The following RPA3 variants were observed in gnomAD, a reference collection of about 807,000 sequenced individuals.
The protein encoded by RPA3 is replication protein A3.
In RPA3, 24 loss-of-function variants were observed where a neutral mutation model predicts 13.7. The observed-to-expected ratio is 1.75, with a 90% CI of 1.27 to 2.46. RPA3 has a LOEUF of 2.46. Ranked by LOEUF, RPA3 falls within the 30% of genes most tolerant of loss-of-function variation. RPA3 has a pLI of 0.00. For synonymous variants in RPA3, 59 were observed against 51.2 expected (o/e 1.15, Z -0.65); for missense variants, 183 against 151.0 (o/e 1.21, Z -1.11).
intron 4 of RPA3, among the ~76,000 whole-genome samples, chr7:7,664,675 G>A (rs145398908): frequency 0.01 from 1,547 of 152,168 alleles, 9 homozygotes; most frequent in Middle Eastern, 0.031. Context: ...TAAACTCAAG[G>A]CTACCTAGTC....
At chr7:7,714,740 G>T (rs1780850556) in intron 2 of RPA3, among the ~76,000 whole-genome samples, 1 of 152,074 alleles carries the variant, frequency 6.6e-6, no homozygotes, top group Admixed American at 6.5e-5. Flanking sequence ...CCTGGGGGAA[G>T]GTTAAAGCAA....
Position 7,675,693 on chromosome 7 carries a change from G to A in RPA3, c.-758+10137C>T, listed in dbSNP as rs74549235. Among the ~76,000 whole-genome samples the A allele has an allele frequency of 5.1e-3, 779 of 152,232 alleles. 6 individuals carry two copies. The highest frequency in any genetic ancestry group is 0.018 in the African/African-American group (746 of 41,532). On this transcript the variant is annotated intron_variant, in intron 4 of 7. Coordinates refer to ENST00000223129, the MANE Select transcript of RPA3 (RefSeq NM_002947.5). ...AGGGAATTTTCCCAGGACCATCTTGGACTAGCATAATTGGTGTCGTACCCA... is the reference window on the plus strand; with the variant it reads ...AGGGAATTTTCCCAGGACCATCTTGAACTAGCATAATTGGTGTCGTACCCA...
intron 4 of RPA3, among the ~76,000 whole-genome samples, chr7:7,669,054 A>G (rs1779539619): frequency 2.0e-5 from 3 of 151,186 alleles, no homozygotes; most frequent in Middle Eastern, 6.8e-3. Context: ...CTCTACACAT[A>G]TATAGACAGT....
Position 7,704,766 on chromosome 7 carries a change from C to CAAAAAA in RPA3, c.-1028+10403_-1028+10408dup, listed in dbSNP as rs71011001. ...TGGGTGACAGAGCGAGACTCCATCT[C>CAAAAAA]AAAAAAAAAAAAAAAAAAAAAAAAA... On this transcript the variant is annotated intron_variant, in intron 2 of 7. Transcript: ENST00000223129. 1.9e-3 allele frequency among the ~76,000 whole-genome samples: 34 copies of CAAAAAA among 17,850 alleles called. 6 individuals carry two copies. Among genetic ancestry groups the CAAAAAA allele is most frequent in the East Asian group, 0.011 (4 of 354 alleles). 11.7% of individuals were successfully genotyped at this position (17,850 alleles called of 152,430 possible).
chr7:7,682,092 T>C (rs1779927167), intron 4 of RPA3, among the ~76,000 whole-genome samples: 1 of 152,130 alleles, frequency 6.6e-6, no homozygotes, highest in African/African-American at 2.4e-5. Context: ...TTGTAGAGAT[T>C]AAAGGAATTG....
chr7:7,707,278 T>A (rs1252403555), intron 2 of RPA3, among the ~76,000 whole-genome samples: 1 of 152,196 alleles, frequency 6.6e-6, no homozygotes, highest in Non-Finnish European at 1.5e-5. Flanking sequence ...GAATGAATGT[T>A]ATCACCAAGT....
intron 4 of RPA3, among the ~76,000 whole-genome samples, chr7:7,656,739 C>G (rs1785352958): frequency 6.6e-6 from 1 of 152,044 alleles, no homozygotes; most frequent in Admixed American, 6.6e-5. Flanking sequence ...GGTTTGGTTC[C>G]AAGTCTGCTG....
intron 4 of RPA3, among the ~76,000 whole-genome samples, chr7:7,669,752 C>T (rs1277576889): frequency 2.0e-5 from 3 of 152,132 alleles, no homozygotes; most frequent in Non-Finnish European, 4.4e-5. Context: ...GTGATAGACA[C>T]GAGGGTGACT....
chr7:7,701,666 A>T (rs1356143612), intron 2 of RPA3, among the ~76,000 whole-genome samples: 1 of 152,110 alleles, frequency 6.6e-6, no homozygotes. Flanking sequence ...TATGATTAGG[A>T]GGCTGATTAG....
chr7:7,678,320 C>T (rs891867495), intron 4 of RPA3, among the ~76,000 whole-genome samples: 1 of 150,474 alleles, frequency 6.6e-6, no homozygotes, highest in Non-Finnish European at 1.5e-5. Flanking sequence ...TTTTGATTTG[C>T]ATTTCTCTGA....
intron 4 of RPA3, among the ~76,000 whole-genome samples, chr7:7,669,238 G>A (rs532497571): frequency 1.3e-5 from 2 of 152,268 alleles, no homozygotes; most frequent in South Asian, 4.1e-4. Context: ...TGGATAAGGA[G>A]GAAACGATTG....
intron 1 of RPA3, among the ~76,000 whole-genome samples, chr7:7,717,060 CT>C (rs766644906): frequency 1.2e-3 from 169 of 141,558 alleles, no homozygotes; most frequent in South Asian, 2.0e-3. Context: ...TTCTTTTTTT[CT>C]TTTTTTTTTT....
At chr7:7,653,948 A>C (rs767662459) in intron 4 of RPA3, among the ~76,000 whole-genome samples, 10 of 152,198 alleles carry the variant, frequency 6.6e-5, no homozygotes, top group Non-Finnish European at 1.5e-4. Flanking sequence ...CTTAGAGTGG[A>C]GAGATTGAGA....
chr7:7,678,396 C>T (rs1779803055), intron 4 of RPA3, among the ~76,000 whole-genome samples: 1 of 142,144 alleles, frequency 7.0e-6, no homozygotes, highest in Non-Finnish European at 1.5e-5. Flanking sequence ...TGAGAAATAG[C>T]TATTCAGATA....
chr7:7,636,900 A>G lies in RPA3; in HGVS notation c.*100T>C. The G allele has an allele frequency of 1.1e-6, 1 of 882,740 alleles. No homozygotes were observed. The highest frequency in any genetic ancestry group is 2.5e-5 in the East Asian group (1 of 40,654). The allele number at this position is 882,740 out of a possible 1,614,324, so 54.7% of individuals were successfully genotyped here. A position where few individuals can be genotyped will look rare whatever the true frequency, so the allele number is the denominator to read the frequency against. The stretch of plus-strand genomic sequence containing the variant: ...TGGAATATCTTAAAAACAGCAAATT[A>G]AATATGAGAAAGCACAGAAATCTCT... On this transcript the variant is annotated 3_prime_UTR_variant, in exon 8 of 8. Coordinates refer to ENST00000223129, the MANE Select transcript of RPA3 (RefSeq NM_002947.5).
intron 2 of RPA3, among the ~76,000 whole-genome samples, chr7:7,698,870 CTT>C (rs57968079): frequency 1.6e-4 from 21 of 131,856 alleles, no homozygotes; most frequent in East Asian, 2.2e-4. Flanking sequence ...ACCCTCTTGT[CTT>C]TTTTTTTTTT....
chr7:7,704,027 A>G (rs1780532118), intron 2 of RPA3, among the ~76,000 whole-genome samples: 1 of 152,172 alleles, frequency 6.6e-6, no homozygotes, highest in Non-Finnish European at 1.5e-5. Context: ...CCTTAGAGCA[A>G]CAGTTCTCAA....
chr7:7,683,346 G>T (rs1294591980), intron 4 of RPA3, among the ~76,000 whole-genome samples: 2 of 152,120 alleles, frequency 1.3e-5, no homozygotes. Flanking sequence ...TTTCCCCCCA[G>T]AGTTCTCCAG....
intron 4 of RPA3, among the ~76,000 whole-genome samples, chr7:7,662,543 T>G (rs1785502116): frequency 6.6e-6 from 1 of 152,180 alleles, no homozygotes; most frequent in Admixed American, 6.5e-5. Context: ...GCACAGTCCC[T>G]CAAGGCTTCC....
Sources: allele counts gnomAD v4.1 joint callset (sites outside exome capture counted in the v4.1 genomes callset), GRCh38; gene constraint gnomAD v4.1.1; transcripts MANE v1.5; gene names NCBI Gene and HGNC (gene_info 2026-07-23, HGNC 2026-07-21).